Variants in MIDEAS observed in about 807,000 individuals in gnomAD.
MIDEAS encodes mitotic deacetylase-associated SANT domain protein.
A neutral mutation model predicts 102.7 loss-of-function variants in MIDEAS; 26 were observed. The ratio of observed to expected loss-of-function variants is 0.25; its 90% CI spans 0.19 to 0.35. The LOEUF (loss-of-function observed/expected upper bound fraction) is 0.35. Among genes scored for constraint, MIDEAS ranks in the 10% least tolerant of loss-of-function variants. The pLI is 1.00. For missense variants in MIDEAS, 1,231 were observed against 1,435.6 expected, an observed-to-expected ratio of 0.86 and a Z score of 2.30; for synonymous variants, 585 against 591.0, an observed-to-expected ratio of 0.99 and a Z score of 0.15.
At chr14:73,776,641 G>A (rs1331080772) in intron 1 of MIDEAS, among the ~76,000 whole-genome samples, 1 of 151,902 alleles carries the variant, frequency 6.6e-6, no homozygotes, top group Non-Finnish European at 1.5e-5. Context: ...GGCTAGAATG[G>A]GCTCCAAGCT....
chr14:73,732,744 C>A (rs1445816934), intron 3 of MIDEAS, among the ~76,000 whole-genome samples: 3 of 141,056 alleles, frequency 2.1e-5, no homozygotes, highest in Non-Finnish European at 4.5e-5. Context: ...GGAGAACATG[C>A]CACTGCACTC....
rs2140157130 is a variant in MIDEAS at position 73,760,280 on chromosome 14, C to A, written c.-765G>T. ...CGCGCGGCACCGCGGCGAGCAGGAA[C>A]CAGCTCTACCACTTCATCAGCACAA... On this transcript the variant is annotated 5_prime_UTR_variant, in exon 1 of 13. Transcript: ENST00000423556. The surrounding 1 kb of genome is among the most constrained non-coding windows in gnomAD (Gnocchi z 4.8). 1 of 152,470 alleles carries A rather than the reference C, an allele frequency of 6.6e-6. No individual in the cohort carries two copies. The highest frequency in any genetic ancestry group is 2.1e-4 in the South Asian group (1 of 4,832). The allele number at this position is 152,470 out of a possible 1,614,324, so 9.4% of individuals were successfully genotyped here. A position where few individuals can be genotyped will look rare whatever the true frequency, so the allele number is the denominator to read the frequency against.
chr14:73,740,364 C>T (rs1044196587), intron 1 of MIDEAS, 109 bp from the exon 2 acceptor site: 1 of 398,472 alleles, frequency 2.5e-6, no homozygotes, highest in East Asian at 3.6e-5. Flanking sequence ...CCCACCACCT[C>T]ATATCACAGG....
At position 73,719,446 on chromosome 14, in the gene MIDEAS, C is replaced by T; in HGVS notation, c.2993G>A (p.Gly998Asp). 1 of 1,614,110 alleles carries T rather than the reference C, an allele frequency of 6.2e-7. No homozygotes were observed. The highest frequency in any genetic ancestry group is 8.5e-7 in the Non-Finnish European group (1 of 1,180,012). Residue 998 changes from glycine (G) to aspartate (D), a missense_variant, in exon 12 of 13, where the codon GGT (glycine) becomes GAT (aspartate). Transcript: ENST00000423556. Reference protein sequence around the residue: ...SHESNAPGSAGGQASEKPREG... With the variant: ...SHESNAPGSADGQASEKPREG... ...CCTTGGCTTCTCCGAGGCCTGGCCA[C>T]CGGCAGACCCAGGGGCGTTGGACTC... is the stretch of plus-strand genomic sequence containing the variant.
chr14:73,745,396 C>T (rs1212073729), intron 1 of MIDEAS, among the ~76,000 whole-genome samples: 1 of 152,204 alleles, frequency 6.6e-6, no homozygotes, highest in African/African-American at 2.4e-5. Context: ...AGACAGTGGC[C>T]AGGGACACAA....
intron 11 of MIDEAS, among the ~76,000 whole-genome samples, chr14:73,719,794 CACCT>C (rs113901874): frequency 0.15 from 23,121 of 150,660 alleles, 2,241 homozygotes; most frequent in South Asian, 0.25. Flanking sequence ...GTTAATGAAG[CACCT>C]ACCTGTTGAT....
chr14:73,721,666 C>G lies in MIDEAS; in HGVS notation c.2725-157G>C, dbSNP rs377698481. ...TGTACTAGGACTCTGGACTCTGTCC[C>G]CATGGCATAGTAGCCATGGGGACAG... is the stretch of plus-strand genomic sequence containing the variant. On this transcript the variant is annotated intron_variant, in intron 10 of 12. Coordinates refer to ENST00000423556, the MANE Select transcript of MIDEAS (RefSeq NM_001367710.1). 74 of 644,056 alleles carry G rather than the reference C, an allele frequency of 1.1e-4. 2 individuals are homozygous for G. Among genetic ancestry groups the G allele is most frequent in the African/African-American group, 6.5e-4 (36 of 55,108 alleles). The allele number at this position is 644,056 out of a possible 1,614,324, so 39.9% of individuals were successfully genotyped here. A position where few individuals can be genotyped will look rare whatever the true frequency, so the allele number is the denominator to read the frequency against.
rs909670562 is a variant in MIDEAS at position 73,725,554 on chromosome 14, G to A, written c.2486-194C>T. Among the ~76,000 whole-genome samples, 5 of 152,228 alleles carry A rather than the reference G, an allele frequency of 3.3e-5. No individual in the cohort carries two copies. In the East Asian group the frequency reaches 9.6e-4, roughly 29 times the overall value. On this transcript the variant is annotated intron_variant, in intron 8 of 12. Transcript: ENST00000423556. This position sits in a 1 kb window ranked among gnomAD's most constrained non-coding sequence, Gnocchi z 4.1. The stretch of plus-strand genomic sequence containing the variant: ...GTGAAATGGAAACTAATATCACCTA[G>A]CTCACCAGCTGTGGTGAGGATTAAA...
At chr14:73,748,901 T>C (rs1350317090) in intron 1 of MIDEAS, among the ~76,000 whole-genome samples, 3 of 152,194 alleles carry the variant, frequency 2.0e-5, no homozygotes, top group Admixed American at 1.3e-4. Context: ...TGCATGTACC[T>C]AACAACAGAG....
In MIDEAS at chr14:73,725,165, A is replaced by G. The variant is rs2053043864; in HGVS notation, c.2574+107T>C. The G allele has an allele frequency of 1.4e-4, 118 of 820,456 alleles. 3 individuals are homozygous for G. The South Asian group carries it at 1.6e-3, about 11-fold the overall frequency. 50.8% of individuals were successfully genotyped at this position (820,456 alleles called of 1,614,324 possible). ...ATTCTCTCTGAGGCTACTCAGTAGC[A>G]TTGACCTGACTGCTTTTTAAGAGGG... On this transcript the variant is annotated intron_variant, in intron 9 of 12. Transcript: ENST00000423556. The surrounding 1 kb of genome is among the most constrained non-coding windows in gnomAD (Gnocchi z 4.1).
At chr14:73,750,511 G>A (rs1385387456) in intron 1 of MIDEAS, among the ~76,000 whole-genome samples, 1 of 152,208 alleles carries the variant, frequency 6.6e-6, no homozygotes, top group Non-Finnish European at 1.5e-5. Flanking sequence ...TGGAAGCCAA[G>A]AGAGCCCAAA....
intron 9 of MIDEAS, chr14:73,724,339 A>T (rs1332325752): frequency 2.6e-5 from 4 of 152,222 alleles, no homozygotes; most frequent in Non-Finnish European, 5.9e-5. Context: ...GACATGTTTC[A>T]TCTCACAGAA....
At chr14:73,738,075 C>A (rs932016172) in intron 2 of MIDEAS, among the ~76,000 whole-genome samples, 1 of 152,142 alleles carries the variant, frequency 6.6e-6, no homozygotes, top group African/African-American at 2.4e-5. Context: ...TAAGCCACTG[C>A]GCCTAGCCTC....
At chr14:73,726,761 G>A (rs923947083) in intron 6 of MIDEAS, 54 bp from the exon 7 acceptor site, 2 of 1,611,818 alleles carry the variant, frequency 1.2e-6, no homozygotes, top group Admixed American at 1.7e-5. Flanking sequence ...TCAGGGCGGG[G>A]CTGGGCAGGG....
chr14:73,727,178 A>C, intron 5 of MIDEAS: 1 of 660,574 alleles, frequency 1.5e-6, no homozygotes, highest in South Asian at 2.0e-5. Context: ...AGAGGGGAGA[A>C]GCAGCTGCAG....
At chr14:73,780,432 A>C (rs559546907) in intron 1 of MIDEAS, among the ~76,000 whole-genome samples, 1 of 152,372 alleles carries the variant, frequency 6.6e-6, no homozygotes, top group African/African-American at 2.4e-5. Context: ...CCATAGCCGT[A>C]ACAGTAGTGA....
At chr14:73,768,972 T>G (rs2053616991) in intron 1 of MIDEAS, among the ~76,000 whole-genome samples, 1 of 152,176 alleles carries the variant, frequency 6.6e-6, no homozygotes, top group Non-Finnish European at 1.5e-5. Context: ...CACGAGTCAC[T>G]GTCATTTATC....
At chr14:73,747,592 G>A (rs892428183) in intron 1 of MIDEAS, among the ~76,000 whole-genome samples, 1 of 151,872 alleles carries the variant, frequency 6.6e-6, no homozygotes, top group Non-Finnish European at 1.5e-5. Flanking sequence ...CTCTGTCACT[G>A]TGTCAATACC....
At chr14:73,729,583 T>TCCCTGCCCAGTGC in intron 4 of MIDEAS, 57 bp downstream of exon 4, 1 of 1,432,318 alleles carries the variant, frequency 7.0e-7, no homozygotes. Flanking sequence ...CTGAGATGCC[T>TCCCTGCCCAGTGC]CCCTGCCCAG....
Sources: gnomAD v4.1 joint callset for allele counts (sites outside exome capture counted in the v4.1 genomes callset) on GRCh38, gnomAD v4.1.1 for gene constraint, Gnocchi (gnomAD v3.1) non-coding constraint, MANE v1.5 for transcripts, NCBI Gene and HGNC (gene_info 2026-07-23, HGNC 2026-07-21) for gene names.